The following CDH18 variants were observed in gnomAD, a reference collection of about 807,000 sequenced individuals.
The protein encoded by CDH18 is cadherin 18, also known as cadherin-18.
CDH18 carries 31 observed loss-of-function variants against 67.9 expected under a neutral mutation model. The ratio of observed to expected loss-of-function variants is 0.46; its 90% CI spans 0.34 to 0.62. The LOEUF (loss-of-function observed/expected upper bound fraction) is 0.62. Ranked by LOEUF, CDH18 falls within the 20% of genes least tolerant of loss-of-function variation. The probability of loss-of-function intolerance (pLI) is 0.01; values close to 1 mark genes in which losing one functional copy is unlikely to be tolerated. For missense variants in CDH18, 890 were observed against 975.5 expected (o/e 0.91, Z 1.17); for synonymous variants, 362 against 347.2 (o/e 1.04, Z -0.48).
intron 1 of CDH18, among the ~76,000 whole-genome samples, chr5:20,288,159 T>C (rs1746829428): frequency 6.6e-6 from 1 of 151,648 alleles, no homozygotes; most frequent in African/African-American, 2.4e-5. Flanking sequence ...AGAATCTACT[T>C]TGCAATATAA....
chr5:19,548,948 C>A (rs1019880394), intron 8 of CDH18, among the ~76,000 whole-genome samples: 27 of 151,944 alleles, frequency 1.8e-4, no homozygotes, highest in Non-Finnish European at 4.0e-4. Flanking sequence ...CGGGGTTTCA[C>A]CATGTTGGCC....
At chr5:19,571,863 T>C (rs777099020) in intron 7 of CDH18, 31 bp from the exon 8 acceptor site, 13 of 1,558,016 alleles carry the variant, frequency 8.3e-6, no homozygotes, top group Non-Finnish European at 1.1e-5. Context: ...ATTATGACTT[T>C]TATAAAAAAA....
intron 2 of CDH18, among the ~76,000 whole-genome samples, chr5:20,123,459 G>A (rs541322776): frequency 1.3e-5 from 2 of 152,254 alleles, no homozygotes; most frequent in South Asian, 4.1e-4. Context: ...TCCCTCTCTT[G>A]TTCAGCAGTC....
At chr5:20,032,256 A>C (rs931111986) in intron 2 of CDH18, among the ~76,000 whole-genome samples, 4 of 150,844 alleles carry the variant, frequency 2.7e-5, no homozygotes, top group African/African-American at 9.7e-5. Flanking sequence ...TATAATATAT[A>C]TATAAAACAA....
chr5:19,530,702 G>C (rs1444790729), intron 9 of CDH18, among the ~76,000 whole-genome samples: 1 of 151,970 alleles, frequency 6.6e-6, no homozygotes, highest in Non-Finnish European at 1.5e-5. Context: ...TTTGTCCTTG[G>C]GATAGTTTGC....
chr5:20,305,194 C>A lies in CDH18; in HGVS notation c.-579-49689G>T. 2.8e-6 allele frequency: 4 copies of A among 1,412,688 alleles called. No individual in the cohort carries two copies. In the South Asian group the frequency reaches 4.6e-5, roughly 16 times the overall value. 87.5% of individuals were successfully genotyped at this position (1,412,688 alleles called of 1,614,324 possible). A position where few individuals can be genotyped will look rare whatever the true frequency, so the allele number is the denominator to read the frequency against. Reference sequence around the variant, plus strand: ...GGTTATGTTGTTTCCATTCGACAGTCCTTCCAAAGGCTTCCCTCCAGCACC... The same window carrying A: ...GGTTATGTTGTTTCCATTCGACAGTACTTCCAAAGGCTTCCCTCCAGCACC... On this transcript the variant is annotated intron_variant, in intron 1 of 14. Transcript: ENST00000507958.
At chr5:20,225,689 A>G (rs1741569127) in intron 2 of CDH18, among the ~76,000 whole-genome samples, 3 of 152,098 alleles carry the variant, frequency 2.0e-5, no homozygotes, top group African/African-American at 7.2e-5. Flanking sequence ...GCTTCCTGTG[A>G]TGTCAAGTAC....
At chr5:20,462,442 A>G (rs576417723) in intron 1 of CDH18, among the ~76,000 whole-genome samples, 3 of 152,266 alleles carry the variant, frequency 2.0e-5, no homozygotes, top group Admixed American at 1.3e-4. Flanking sequence ...TGAGTGGGTG[A>G]ATATAGTTAA....
chr5:19,564,304 G>T (rs1360015757), intron 8 of CDH18, among the ~76,000 whole-genome samples: 1 of 152,210 alleles, frequency 6.6e-6, no homozygotes. Flanking sequence ...GCAGCTTGCA[G>T]CTCTGGGAGA....
intron 5 of CDH18, among the ~76,000 whole-genome samples, chr5:19,689,797 T>C (rs1284618144): frequency 6.6e-6 from 1 of 151,770 alleles, no homozygotes; most frequent in African/African-American, 2.4e-5. Flanking sequence ...ATAAATAAAT[T>C]AGACTTTTTA....
chr5:19,730,577 G>A (rs187267596), intron 4 of CDH18, among the ~76,000 whole-genome samples: 15 of 152,196 alleles, frequency 9.9e-5, no homozygotes, highest in African/African-American at 2.6e-4. Flanking sequence ...TTATTTCTAT[G>A]GACTGAAAGT....
intron 1 of CDH18, among the ~76,000 whole-genome samples, chr5:20,269,491 A>C (rs1021645780): frequency 1.3e-5 from 2 of 152,286 alleles, no homozygotes; most frequent in Non-Finnish European, 1.5e-5. Context: ...CAGTGTTTAA[A>C]TAGATAAAGA....
In CDH18 at chr5:19,696,380, T is replaced by C. The variant is rs183294893; in HGVS notation, c.643+24967A>G. Among the ~76,000 whole-genome samples the C allele has an allele frequency of 9.4e-3, 1,424 of 151,482 alleles. 18 individuals carry two copies. Among genetic ancestry groups the C allele is most frequent in the Non-Finnish European group, 0.015 (1,033 of 67,848 alleles). ...GGTGAAACCCTGTCTCTACTAAAAA[T>C]ACAAAAATTAGCCGGGTGTGGTGGC... is the stretch of plus-strand genomic sequence containing the variant. On this transcript the variant is annotated intron_variant, in intron 5 of 12. Coordinates refer to ENST00000382275, the MANE Select transcript of CDH18 (RefSeq NM_004934.5).
At chr5:20,179,613 G>T (rs550444279) in intron 2 of CDH18, among the ~76,000 whole-genome samples, 237 of 152,248 alleles carry the variant, frequency 1.6e-3, no homozygotes, top group Non-Finnish European at 2.7e-3. Context: ...AACTGCCAGT[G>T]GGATTACAAT....
At chr5:20,044,531 T>A (rs1740744312) in intron 2 of CDH18, among the ~76,000 whole-genome samples, 1 of 152,126 alleles carries the variant, frequency 6.6e-6, no homozygotes. Flanking sequence ...TACAAAAAAT[T>A]AAAGCATTTA....
chr5:19,578,330 T>C (rs551185259), intron 7 of CDH18, among the ~76,000 whole-genome samples: 1 of 152,320 alleles, frequency 6.6e-6, no homozygotes, highest in South Asian at 2.1e-4. Context: ...TTGGGTCTGA[T>C]ATATTTAGGG....
At chr5:20,426,420 C>A (rs1247494593) in intron 1 of CDH18, among the ~76,000 whole-genome samples, 1 of 150,980 alleles carries the variant, frequency 6.6e-6, no homozygotes, top group South Asian at 2.1e-4. Context: ...ATTTTATCAT[C>A]CCTTATTTAT....
intron 1 of CDH18, among the ~76,000 whole-genome samples, chr5:20,424,659 A>C (rs2150164703): frequency 1.4e-5 from 2 of 142,530 alleles, no homozygotes; most frequent in Middle Eastern, 7.7e-3. Context: ...TGAAGCAAGA[A>C]TCTCTTGATC....
At chr5:20,519,326 T>G (rs939775537) in intron 1 of CDH18, among the ~76,000 whole-genome samples, 1 of 152,096 alleles carries the variant, frequency 6.6e-6, no homozygotes, top group Admixed American at 6.6e-5. Context: ...TGTAGGGACA[T>G]GGATGAAACT....
Sources: gnomAD v4.1 joint callset for allele counts (sites outside exome capture counted in the v4.1 genomes callset) on GRCh38, gnomAD v4.1.1 for gene constraint, MANE v1.5 for transcripts, NCBI Gene and HGNC (gene_info 2026-07-23, HGNC 2026-07-21) for gene names.